The following RTKN2 variants were observed in gnomAD, a reference collection of about 807,000 sequenced individuals.
The protein encoded by RTKN2 is rhotekin 2, also known as rhotekin-2.
Under a neutral mutation model 71.5 loss-of-function variants are expected in RTKN2, and 69 were observed. That is an observed-to-expected ratio of 0.96 (90% CI 0.79 to 1.18). The LOEUF is 1.18. RTKN2 is among the 50% of genes most tolerant of loss of function. The pLI, the probability that RTKN2 is intolerant of heterozygous loss-of-function variation, is 0.00. For synonymous variants in RTKN2, 236 were observed against 236.5 expected (o/e 1.00, Z 0.02); for missense variants, 724 against 719.7 (o/e 1.01, Z -0.07).
chr10:62,253,452 G>A (rs1292653841), intron 2 of RTKN2, among the ~76,000 whole-genome samples: 1 of 152,002 alleles, frequency 6.6e-6, no homozygotes, highest in Non-Finnish European at 1.5e-5. Flanking sequence ...AAATAAGGAA[G>A]GTTACAGAAA....
intron 2 of RTKN2, among the ~76,000 whole-genome samples, chr10:62,250,704 A>T (rs1842564138): frequency 6.6e-6 from 1 of 152,152 alleles, no homozygotes; most frequent in South Asian, 2.1e-4. Flanking sequence ...ATCTCGGCTC[A>T]CTGCAACCTC....
intron 7 of RTKN2, among the ~76,000 whole-genome samples, chr10:62,220,468 G>C (rs1841881890): frequency 6.6e-6 from 1 of 152,124 alleles, no homozygotes; most frequent in Non-Finnish European, 1.5e-5. Flanking sequence ...TTAGAAGTTT[G>C]AAAGCAAATT....
intron 3 of RTKN2, among the ~76,000 whole-genome samples, chr10:62,243,804 G>T (rs1267320910): frequency 6.6e-6 from 1 of 152,122 alleles, no homozygotes; most frequent in Non-Finnish European, 1.5e-5. Context: ...ATGGTAAACT[G>T]GGAGAGTCAT....
chr10:62,243,599 C>A (rs1842423451), intron 3 of RTKN2, among the ~76,000 whole-genome samples: 1 of 152,138 alleles, frequency 6.6e-6, no homozygotes. Context: ...ATCAGCTCCA[C>A]AAGAGGAGAA....
intron 2 of RTKN2, chr10:62,259,226 T>C (rs1450447038): frequency 2.2e-6 from 1 of 453,430 alleles, no homozygotes; most frequent in Admixed American, 2.4e-5. Context: ...GCCATGACTA[T>C]GAGGCCTCCC....
rs137900808 is a variant in RTKN2 at position 62,193,459 on chromosome 10, T to C, written c.*4449A>G. 590 of 982,620 alleles carry C rather than the reference T, an allele frequency of 6.0e-4. 9 individuals carry two copies. In the East Asian group the frequency reaches 0.038, roughly 64 times the overall value. 60.9% of individuals were successfully genotyped at this position (982,620 alleles called of 1,614,324 possible). On this transcript the variant is annotated 3_prime_UTR_variant, in exon 12 of 12. Coordinates refer to ENST00000373789, the MANE Select transcript of RTKN2 (RefSeq NM_145307.4). Reference sequence around the variant, plus strand: ...TTAAAATTTCTGTAACTTTTTTTGTTGTTAATTGAATGTAAAGGTAGTTTG... The same window carrying C: ...TTAAAATTTCTGTAACTTTTTTTGTCGTTAATTGAATGTAAAGGTAGTTTG...
At chr10:62,219,157 G>A (rs1398884908) in intron 7 of RTKN2, among the ~76,000 whole-genome samples, 2 of 152,156 alleles carry the variant, frequency 1.3e-5, no homozygotes, top group African/African-American at 4.8e-5. Context: ...AGGAGCTGTG[G>A]TGTGCTAGAA....
intron 2 of RTKN2, among the ~76,000 whole-genome samples, chr10:62,256,840 A>G (rs1391950898): frequency 6.6e-6 from 1 of 152,182 alleles, no homozygotes; most frequent in Non-Finnish European, 1.5e-5. Context: ...TAAATTTCAT[A>G]ATAAAAAGTT....
intron 1 of RTKN2, among the ~76,000 whole-genome samples, chr10:62,263,136 T>C (rs1842804858): frequency 6.6e-6 from 1 of 152,218 alleles, no homozygotes; most frequent in African/African-American, 2.4e-5. Flanking sequence ...AACCTCAGAA[T>C]GTAGCCTTAT....
At chr10:62,235,513 G>T (rs1198832745) in intron 6 of RTKN2, among the ~76,000 whole-genome samples, 1 of 152,034 alleles carries the variant, frequency 6.6e-6, no homozygotes, top group Non-Finnish European at 1.5e-5. Context: ...TCCAAAATCT[G>T]AAACTTTTTG....
Position 62,262,824 on chromosome 10 carries a change from A to T in RTKN2, c.61-3T>A. 1 of 1,128,490 alleles carries T rather than the reference A, an allele frequency of 8.9e-7. No homozygotes were observed. The highest frequency in any genetic ancestry group is 1.2e-6 in the Non-Finnish European group (1 of 830,208). The allele number at this position is 1,128,490 out of a possible 1,614,324, so 69.9% of individuals were successfully genotyped here. A position where few individuals can be genotyped will look rare whatever the true frequency, so the allele number is the denominator to read the frequency against. On this transcript the variant is annotated splice_region_variant and splice_polypyrimidine_tract_variant and intron_variant, in intron 1 of 11. Transcript: ENST00000373789. ...ATTTTTTCTTGAATGTTGCAGTCCTAAAAAAAAAATGCATCTTGAAAATAT... is the reference window on the plus strand; with the variant it reads ...ATTTTTTCTTGAATGTTGCAGTCCTTAAAAAAAAATGCATCTTGAAAATAT...
At chr10:62,208,737 T>C (rs1463162897) in intron 9 of RTKN2, among the ~76,000 whole-genome samples, 1 of 152,128 alleles carries the variant, frequency 6.6e-6, no homozygotes, top group Non-Finnish European at 1.5e-5. Flanking sequence ...ATAAGAATTG[T>C]ACTTCAGGGT....
intron 2 of RTKN2, among the ~76,000 whole-genome samples, chr10:62,250,385 C>G (rs185238591): frequency 6.6e-6 from 1 of 152,188 alleles, no homozygotes. Flanking sequence ...CCAAGAAACA[C>G]TAGTTTCAAA....
In RTKN2 at chr10:62,268,557, G is replaced by C. The variant is rs904123048; in HGVS notation, c.54C>G (p.Thr18=). 2.6e-6 allele frequency: 4 copies of C among 1,560,936 alleles called. No homozygotes were observed. The Admixed American group carries it at 5.7e-5, about 22-fold the overall frequency. Residue 18 remains threonine (T), a synonymous_variant, in exon 1 of 12, where the codon ACC becomes ACG. Transcript: ENST00000373789. ...GGTCCCTCCCGCAACTCACCTGCTG[G>C]GTGGGAAGCCCCGCCAGGCGGAGCG... is the stretch of plus-strand genomic sequence containing the variant. ...GPALRLAGLP[T]QQDCNIQEKI...
intron 2 of RTKN2, among the ~76,000 whole-genome samples, chr10:62,250,411 A>T (rs1464228103): frequency 1.3e-5 from 2 of 152,228 alleles, no homozygotes; most frequent in African/African-American, 4.8e-5. Flanking sequence ...GTATCAAAGA[A>T]CAGAAAATTA....
chr10:62,194,121 C>A lies in RTKN2; in HGVS notation c.*3787G>T. 1.0e-6 allele frequency: 1 copy of A among 978,736 alleles called. No homozygotes were observed. The highest frequency in any genetic ancestry group is 1.2e-6 in the Non-Finnish European group (1 of 823,880). 60.6% of individuals were successfully genotyped at this position (978,736 alleles called of 1,614,324 possible). The stretch of plus-strand genomic sequence containing the variant: ...ATATAATACTTTTTAATCCAAAAGT[C>A]TGACCCATATTAAAAAATAAAAATT... On this transcript the variant is annotated 3_prime_UTR_variant, in exon 12 of 12. Coordinates refer to ENST00000373789, the MANE Select transcript of RTKN2 (RefSeq NM_145307.4).
At chr10:62,217,366 G>T in intron 8 of RTKN2, 117 bp from the exon 9 acceptor site, 1 of 711,084 alleles carries the variant, frequency 1.4e-6, no homozygotes, top group Non-Finnish European at 2.1e-6. Flanking sequence ...AAATGTGATG[G>T]AATTATCCAT....
At chr10:62,264,872 A>G (rs1185794169) in intron 1 of RTKN2, among the ~76,000 whole-genome samples, 2 of 151,160 alleles carry the variant, frequency 1.3e-5, no homozygotes, top group Non-Finnish European at 1.5e-5. Flanking sequence ...TGGTGATTCA[A>G]TGGTCAGCTA....
At chr10:62,229,140 T>G (rs1294252987) in intron 6 of RTKN2, among the ~76,000 whole-genome samples, 5 of 152,194 alleles carry the variant, frequency 3.3e-5, no homozygotes, top group African/African-American at 1.2e-4. Flanking sequence ...TAACCAAGGT[T>G]GGAGTTTTTC....
Sources: gnomAD v4.1 joint callset for allele counts (sites outside exome capture counted in the v4.1 genomes callset) on GRCh38, gnomAD v4.1.1 for gene constraint, MANE v1.5 for transcripts, NCBI Gene and HGNC (gene_info 2026-07-23, HGNC 2026-07-21) for gene names.